RBFOX1: variants seen among roughly 807,000 people sequenced by gnomAD.
RBFOX1 encodes the protein RNA binding protein fox-1 homolog 1.
Under a neutral mutation model 57.7 loss-of-function variants are expected in RBFOX1, and 8 were observed. That is an observed-to-expected ratio of 0.14 (90% CI 0.08 to 0.25). The LOEUF (loss-of-function observed/expected upper bound fraction) is 0.25, where lower values mean the gene tolerates loss of function less well. Ranked by LOEUF, RBFOX1 falls within the 10% of genes least tolerant of loss-of-function variation. The pLI, the probability that RBFOX1 is intolerant of heterozygous loss-of-function variation, is 1.00. For missense variants in RBFOX1, 611 were observed against 548.5 expected (o/e 1.11, Z -1.14); for synonymous variants, 326 against 222.4 (o/e 1.47, Z -4.15).
chr16:7,707,356 T>A (rs1568597458), intron 14 of RBFOX1, among the ~76,000 whole-genome samples: 1 of 152,058 alleles, frequency 6.6e-6, no homozygotes, highest in Non-Finnish European at 1.5e-5. Context: ...TTGGTATCAC[T>A]TATCTACCAA....
At chr16:6,510,063 C>G (rs2096218799) in intron 2 of RBFOX1, among the ~76,000 whole-genome samples, 1 of 152,144 alleles carries the variant, frequency 6.6e-6, no homozygotes, top group South Asian at 2.1e-4. Context: ...AGGCTCCTGT[C>G]TTCCTAGGGA....
intron 9 of RBFOX1, among the ~76,000 whole-genome samples, chr16:7,601,152 C>G (rs2094996742): frequency 6.6e-6 from 1 of 152,144 alleles, no homozygotes; most frequent in Admixed American, 6.5e-5. Flanking sequence ...ATGGGGCAAA[C>G]ATATTCAGCG....
chr16:6,142,498 G>A lies in RBFOX1; in HGVS notation c.-127+122506G>A, dbSNP rs975970954. ...GGCCTCCCAAAGCGCTGGGATTACA[G>A]GCGTGAGCCACCATGCCTGGCCAAA... On this transcript the variant is annotated intron_variant, in intron 1 of 15. Coordinates refer to ENST00000550418, the MANE Select transcript of RBFOX1 (RefSeq NM_018723.4). 2.0e-5 allele frequency among the ~76,000 whole-genome samples: 3 copies of A among 152,064 alleles called. No homozygotes were observed. The South Asian group carries it at 6.2e-4, about 32-fold the overall frequency.
chr16:6,948,643 A>G (rs145726149), intron 3 of RBFOX1, among the ~76,000 whole-genome samples: 1 of 151,878 alleles, frequency 6.6e-6, no homozygotes, highest in South Asian at 2.1e-4. Context: ...TGGCCTCCCA[A>G]AGTGCTGGGA....
chr16:6,642,823 C>T (rs1255269024), intron 2 of RBFOX1, among the ~76,000 whole-genome samples: 1 of 152,044 alleles, frequency 6.6e-6, no homozygotes, highest in Non-Finnish European at 1.5e-5. Flanking sequence ...CTGAAGATTC[C>T]TCCAAATGTT....
At chr16:7,469,156 A>G (rs1390357029) in intron 4 of RBFOX1, among the ~76,000 whole-genome samples, 1 of 151,958 alleles carries the variant, frequency 6.6e-6, no homozygotes, top group Non-Finnish European at 1.5e-5. Context: ...GGATGGTCTC[A>G]ATCTCCTGAC....
intron 1 of RBFOX1, among the ~76,000 whole-genome samples, chr16:5,413,193 C>T (rs1055408723): frequency 6.6e-6 from 1 of 152,138 alleles, no homozygotes; most frequent in African/African-American, 2.4e-5. Flanking sequence ...AGTGGGGTGC[C>T]TCTTAACTAA....
At chr16:5,529,159 C>T (rs919749759) in intron 2 of RBFOX1, among the ~76,000 whole-genome samples, 25 of 152,034 alleles carry the variant, frequency 1.6e-4, no homozygotes, top group African/African-American at 5.8e-4. Flanking sequence ...AAGTACTTCA[C>T]CTTTCTTGGC....
chr16:6,484,203 C>A (rs185177029), intron 2 of RBFOX1, among the ~76,000 whole-genome samples: 1 of 152,160 alleles, frequency 6.6e-6, no homozygotes, highest in African/African-American at 2.4e-5. Flanking sequence ...GCAAGAGATG[C>A]GCGGCTCTGG....
At chr16:5,932,069 G>A (rs1429903433) in intron 4 of RBFOX1, among the ~76,000 whole-genome samples, 1 of 152,176 alleles carries the variant, frequency 6.6e-6, no homozygotes, top group Non-Finnish European at 1.5e-5. Context: ...TTCCCAAAGT[G>A]TTGCGGATTG....
chr16:5,598,678 A>C (rs971492928), intron 2 of RBFOX1, among the ~76,000 whole-genome samples: 1 of 152,320 alleles, frequency 6.6e-6, no homozygotes, highest in Admixed American at 6.5e-5. Flanking sequence ...GCCCATTTCA[A>C]TGAGACTAGC....
chr16:5,368,468 C>G (rs1241701394), intron 1 of RBFOX1, among the ~76,000 whole-genome samples: 1 of 152,154 alleles, frequency 6.6e-6, no homozygotes, highest in Non-Finnish European at 1.5e-5. Context: ...AATAGCCTAC[C>G]TTTACAGCAA....
chr16:5,629,728 C>T (rs1596511512), intron 3 of RBFOX1, among the ~76,000 whole-genome samples: 1 of 152,176 alleles, frequency 6.6e-6, no homozygotes. Context: ...TTCTCCAACT[C>T]TTGTATTTCA....
chr16:6,853,936 G>T (rs534445929), intron 3 of RBFOX1, among the ~76,000 whole-genome samples: 1 of 152,262 alleles, frequency 6.6e-6, no homozygotes, highest in East Asian at 1.9e-4. Flanking sequence ...GTAGTAGCCT[G>T]CATGTCTAGG....
chr16:6,796,786 CT>C (rs1302334866), intron 3 of RBFOX1, among the ~76,000 whole-genome samples: 1 of 152,170 alleles, frequency 6.6e-6, no homozygotes, highest in African/African-American at 2.4e-5. Context: ...CCAACTTCTT[CT>C]ATGTCCCTCA....
chr16:6,402,430 C>G (rs1292998882), intron 2 of RBFOX1, among the ~76,000 whole-genome samples: 2 of 151,808 alleles, frequency 1.3e-5, no homozygotes. Context: ...CTTTTTTTTC[C>G]TTTGGATCTT....
chr16:5,267,384 G>A (rs1286058425), intron 1 of RBFOX1, among the ~76,000 whole-genome samples: 4 of 149,602 alleles, frequency 2.7e-5, no homozygotes, highest in African/African-American at 4.9e-5. Context: ...TGCAACCTCC[G>A]CCTCCTGGGT....
At chr16:6,331,891 T>C (rs923409699) in intron 2 of RBFOX1, among the ~76,000 whole-genome samples, 4 of 152,280 alleles carry the variant, frequency 2.6e-5, no homozygotes, top group African/African-American at 9.6e-5. Flanking sequence ...TTGGCTGCCA[T>C]CTTCCATCCT....
chr16:5,475,260 A>G (rs754004943), intron 2 of RBFOX1, among the ~76,000 whole-genome samples: 40 of 152,176 alleles, frequency 2.6e-4, no homozygotes, highest in Non-Finnish European at 5.1e-4. Flanking sequence ...TGCTCTGTAG[A>G]GTCTGTTAAA....
Sources: gnomAD v4.1 joint callset for allele counts (sites outside exome capture counted in the v4.1 genomes callset) on GRCh38, gnomAD v4.1.1 for gene constraint, MANE v1.5 for transcripts, NCBI Gene and HGNC (gene_info 2026-07-23, HGNC 2026-07-21) for gene names.